The following UBE2O variants were observed in gnomAD, a reference collection of about 807,000 sequenced individuals.
UBE2O encodes the protein ubiquitin conjugating enzyme E2 O.
A neutral mutation model predicts 125.8 loss-of-function variants in UBE2O; 15 were observed. The observed-to-expected ratio is 0.12, with a 90% CI of 0.08 to 0.18. The LOEUF (loss-of-function observed/expected upper bound fraction) is 0.18, where lower values mean the gene tolerates loss of function less well. Ranked by LOEUF, UBE2O falls within the 10% of genes least tolerant of loss-of-function variation. The probability of loss-of-function intolerance (pLI) is 1.00; values close to 1 mark genes in which losing one functional copy is unlikely to be tolerated. For missense variants in UBE2O, 1,280 were observed against 1,723.6 expected (o/e 0.74, Z 4.56); for synonymous variants, 708 against 703.2 (o/e 1.01, Z -0.11).
chr17:76,400,469 A>G lies in UBE2O; in HGVS notation c.976T>C (p.Ser326Pro). 2.5e-6 allele frequency: 4 copies of G among 1,612,592 alleles called. No individual in the cohort carries two copies. Among genetic ancestry groups the G allele is most frequent in the Non-Finnish European group, 3.4e-6 (4 of 1,179,430 alleles). ...GGTDSVSPPP[S>P]VITQENLGRV... ...CCTAGGTTTTCCTGGGTGATGACAG[A>G]GGGTGGGGGGCTGACGCTGTCCGTG... Residue 326 changes from serine to proline, a missense_variant, in exon 7 of 18, where the codon TCT becomes CCT. Physicochemically the swap from Ser to Pro is moderately conservative, Grantham distance 74. This residue lies in a region of UBE2O where 206 missense variants were observed against 315.7 expected (regional missense o/e 0.65). Coordinates refer to ENST00000319380, the MANE Select transcript of UBE2O (RefSeq NM_022066.4). The surrounding 1 kb of genome is among the most constrained non-coding windows in gnomAD (Gnocchi z 4.3).
Position 76,399,957 on chromosome 17 carries a change from G to T in UBE2O, c.1156-36C>A, listed in dbSNP as rs755388729. 6.4e-7 allele frequency: 1 copy of T among 1,568,132 alleles called. No individual in the cohort carries two copies. Among genetic ancestry groups the T allele is most frequent in the East Asian group, 2.2e-5 (1 of 44,660 alleles). ...GGAGCAGAGAGGACAGGGCTGTGAG[G>T]TGCACCTGGGCAGGCCTGGCCCTAG... On this transcript the variant is annotated intron_variant, in intron 8 of 17. Transcript: ENST00000319380. The surrounding 1 kb of genome is among the most constrained non-coding windows in gnomAD (Gnocchi z 6.9).
At chr17:76,418,188 TC>T (rs1427408614) in intron 1 of UBE2O, among the ~76,000 whole-genome samples, 6 of 152,192 alleles carry the variant, frequency 3.9e-5, no homozygotes, top group Non-Finnish European at 8.8e-5. Flanking sequence ...ACCTGGAACC[TC>T]AGCCTTCTGA....
At chr17:76,392,198 T>C in intron 15 of UBE2O, 85 bp from the exon 16 acceptor site, 3 of 832,358 alleles carry the variant, frequency 3.6e-6, no homozygotes, top group South Asian at 3.9e-5. Flanking sequence ...CTGCACCTGC[T>C]CTTTCCCAGG....
At chr17:76,413,084 C>G (rs550398410) in intron 1 of UBE2O, among the ~76,000 whole-genome samples, 5 of 152,154 alleles carry the variant, frequency 3.3e-5, no homozygotes, top group Non-Finnish European at 7.4e-5. Flanking sequence ...AGCAGGAAAC[C>G]TTGCTGAGGC....
chr17:76,433,858 C>T (rs188842381), intron 1 of UBE2O, among the ~76,000 whole-genome samples: 151 of 152,234 alleles, frequency 9.9e-4, no homozygotes, highest in Middle Eastern at 6.8e-3. Context: ...GGTGACTCTA[C>T]AAAAAACTTA....
At chr17:76,401,709 C>T in intron 5 of UBE2O, 1 of 180,426 alleles carries the variant, frequency 5.5e-6, no homozygotes, top group South Asian at 1.5e-4. Context: ...AACCTCATCT[C>T]CACTAAAAAT....
At chr17:76,401,395 C>T (rs1180145799) in intron 5 of UBE2O, among the ~76,000 whole-genome samples, 4 of 152,190 alleles carry the variant, frequency 2.6e-5, no homozygotes, top group Non-Finnish European at 4.4e-5. Context: ...TGGTCAAGGG[C>T]TCATACTCTG....
chr17:76,434,436 A>T (rs956368079), intron 1 of UBE2O, among the ~76,000 whole-genome samples: 4 of 152,188 alleles, frequency 2.6e-5, no homozygotes, highest in African/African-American at 7.2e-5. Context: ...CACAGGGCAC[A>T]TTTGTCTTCC....
intron 1 of UBE2O, among the ~76,000 whole-genome samples, chr17:76,411,187 A>AT (rs1307534221): frequency 6.6e-6 from 1 of 151,866 alleles, no homozygotes; most frequent in African/African-American, 2.4e-5. Flanking sequence ...AATTTTTGTA[A>AT]TTTTTTGTAG....
chr17:76,397,995 A>G (rs1037739108), intron 12 of UBE2O, 107 bp from the exon 13 acceptor site: 43 of 1,268,836 alleles, frequency 3.4e-5, no homozygotes, highest in Non-Finnish European at 4.5e-5. Flanking sequence ...GCTTGTGACA[A>G]GGAACTTAGC....
intron 1 of UBE2O, among the ~76,000 whole-genome samples, chr17:76,438,642 ATTTCAGATT>A (rs1476363126): frequency 1.3e-5 from 2 of 152,170 alleles, no homozygotes; most frequent in Non-Finnish European, 2.9e-5. Flanking sequence ...GGTTCGATAG[ATTTCAGATT>A]TTACTGGGGG....
chr17:76,419,963 C>T (rs761650345), intron 1 of UBE2O, among the ~76,000 whole-genome samples: 23 of 152,284 alleles, frequency 1.5e-4, no homozygotes, highest in Non-Finnish European at 2.8e-4. Context: ...GTGCTCCCTG[C>T]CCCTCCTTCA....
intron 1 of UBE2O, among the ~76,000 whole-genome samples, chr17:76,416,202 G>A (rs898083): frequency 0.53 from 80,237 of 151,464 alleles, 23,234 homozygotes; most frequent in South Asian, 0.67. Flanking sequence ...ATGTGTATAT[G>A]TGTGTGTATA....
At chr17:76,446,564 A>C (rs1322243050) in intron 1 of UBE2O, among the ~76,000 whole-genome samples, 2 of 152,230 alleles carry the variant, frequency 1.3e-5, no homozygotes, top group Non-Finnish European at 2.9e-5. Flanking sequence ...AAGCAAAAAC[A>C]CACGGAAACT....
intron 1 of UBE2O, among the ~76,000 whole-genome samples, chr17:76,440,484 C>T (rs749954241): frequency 1.3e-5 from 2 of 152,156 alleles, no homozygotes; most frequent in African/African-American, 4.8e-5. Context: ...TAAGCTGCCA[C>T]GCTAAGATGA....
Position 76,398,745 on chromosome 17 carries a change from G to C in UBE2O, c.1783+92C>G, listed in dbSNP as rs1037782184. 16 of 1,535,066 alleles carry C rather than the reference G, an allele frequency of 1.0e-5. No homozygotes were observed. The Admixed American group carries it at 2.0e-4, about 19-fold the overall frequency. ...CCCTTCTGGACCTCATTTTAGCTCTGACCCCAGATCCACTGCCCATTCTCC... is the reference window on the plus strand; with the variant it reads ...CCCTTCTGGACCTCATTTTAGCTCTCACCCCAGATCCACTGCCCATTCTCC... On this transcript the variant is annotated intron_variant, in intron 10 of 17. Transcript: ENST00000319380. This position sits in a 1 kb window ranked among gnomAD's most constrained non-coding sequence, Gnocchi z 5.4.
chr17:76,453,113 G>T lies in UBE2O; in HGVS notation c.29C>A (p.Ala10Glu). 1.2e-6 allele frequency: 1 copy of T among 823,348 alleles called. No homozygotes were observed. The highest frequency in any genetic ancestry group is 1.7e-6 in the Non-Finnish European group (1 of 591,568). The allele number at this position is 823,348 out of a possible 1,614,324, so 51.0% of individuals were successfully genotyped here. Reference protein sequence around the residue: MADPAAPTPAAPAPAQAPAP... With the variant: MADPAAPTPEAPAPAQAPAP... ...CGGGGCCTGGGCTGGAGCGGGAGCT[G>T]CGGGCGTGGGGGCTGCGGGATCCGC... The change falls in exon 1 of 18, where the codon GCA (alanine) becomes GAA (glutamate). Residue 10 changes from alanine to glutamate, a missense_variant. Around this residue, in one of 10 missense-constraint regions of UBE2O, gnomAD observed 188 missense variants for 192.5 expected, o/e 0.98. Transcript: ENST00000319380.
chr17:76,403,510 G>A (rs551086906), intron 3 of UBE2O, among the ~76,000 whole-genome samples: 1 of 152,260 alleles, frequency 6.6e-6, no homozygotes, highest in African/African-American at 2.4e-5. Context: ...GAGCTCAAGT[G>A]ATCCATCTGC....
chr17:76,437,149 T>TAA (rs35867938), intron 1 of UBE2O, among the ~76,000 whole-genome samples: 106 of 129,076 alleles, frequency 8.2e-4, no homozygotes, highest in Admixed American at 1.7e-3. Context: ...ACTCCATCTT[T>TAA]AAAAAAAAAA....
Sources: allele counts gnomAD v4.1 joint callset (sites outside exome capture counted in the v4.1 genomes callset), GRCh38; gene constraint gnomAD v4.1.1; regional missense constraint gnomAD v4.1.1; non-coding constraint Gnocchi (gnomAD v3.1); transcripts MANE v1.5; gene names NCBI Gene and HGNC (gene_info 2026-07-23, HGNC 2026-07-21).